The following CEP192 variants were observed in gnomAD, a reference collection of about 807,000 sequenced individuals.
CEP192 encodes centrosomal protein of 192 kDa.
A neutral mutation model predicts 271.8 loss-of-function variants in CEP192; 151 were observed. The ratio of observed to expected loss-of-function variants is 0.56; its 90% CI spans 0.49 to 0.64. CEP192 has a LOEUF of 0.64. Among genes scored for constraint, CEP192 ranks in the 30% least tolerant of loss-of-function variants. The pLI, the probability that CEP192 is intolerant of heterozygous loss-of-function variation, is 0.00. For missense variants in CEP192, 2,910 were observed against 3,020.5 expected (o/e 0.96, Z 0.86); for synonymous variants, 995 against 1,076.5 (o/e 0.92, Z 1.48).
chr18:13,055,939 G>A lies in CEP192; in HGVS notation c.3349G>A (p.Ala1117Thr), dbSNP rs2037071420. The A allele has an allele frequency of 6.2e-7, 1 of 1,614,168 alleles. No homozygotes were observed. The highest frequency in any genetic ancestry group is 1.1e-5 in the South Asian group (1 of 91,076). ...CCAGAATAACTCTGATACAAGAAAA[G>A]CAACTGAAACTACTTCTCTGAGTAG... Reference protein sequence around the residue: ...IIQNNSDTRKATETTSLSSKP... With the variant: ...IIQNNSDTRKTTETTSLSSKP... The change falls in exon 19 of 45, where the codon GCA becomes ACA. Residue 1117 changes from alanine to threonine, a missense_variant. Physicochemically the swap from Ala to Thr is moderately conservative, Grantham distance 58. Transcript: ENST00000506447.
chr18:13,122,453 T>C (rs2040711223), intron 44 of CEP192, among the ~76,000 whole-genome samples: 1 of 152,046 alleles, frequency 6.6e-6, no homozygotes, highest in African/African-American at 2.4e-5. Flanking sequence ...TGGTGGCATA[T>C]GCCTGTAGTC....
chr18:13,082,507 A>T (rs139925538), intron 30 of CEP192, among the ~76,000 whole-genome samples: 1,356 of 123,152 alleles, frequency 0.011, 17 homozygotes, highest in African/African-American at 0.042. Context: ...TTTTGAGCCT[A>T]TGTGTGTCTC....
At chr18:13,040,700 T>G in intron 13 of CEP192, 130 bp from the exon 14 acceptor site, 1 of 626,648 alleles carries the variant, frequency 1.6e-6, no homozygotes, top group South Asian at 2.6e-5. Flanking sequence ...TCTCTAGTAA[T>G]TTGAGGTTAA....
chr18:13,054,028 A>G (rs1002799936), intron 18 of CEP192, among the ~76,000 whole-genome samples: 12 of 152,130 alleles, frequency 7.9e-5, no homozygotes, highest in Admixed American at 3.3e-4. Context: ...GGGTCTTGCT[A>G]TGTTGCCAGA....
intron 33 of CEP192, 81 bp from the exon 34 acceptor site, chr18:13,092,296 A>G (rs2039182329): frequency 2.0e-6 from 2 of 1,002,158 alleles, no homozygotes; most frequent in African/African-American, 1.7e-5. Context: ...TTCTATAGCT[A>G]TAAATATACA....
intron 40 of CEP192, among the ~76,000 whole-genome samples, chr18:13,109,888 C>CA (rs1223275752): frequency 3.9e-5 from 6 of 151,944 alleles, no homozygotes; most frequent in East Asian, 3.9e-4. Context: ...GTTAAAAATT[C>CA]AAAAAAACTT....
chr18:13,035,354 G>A (rs927867370), intron 11 of CEP192, among the ~76,000 whole-genome samples: 27 of 152,174 alleles, frequency 1.8e-4, no homozygotes, highest in Admixed American at 1.2e-3. Flanking sequence ...ACAGTTCCAC[G>A]TGGCTAGGGA....
chr18:13,099,286 G>A (rs1006947739), intron 36 of CEP192, among the ~76,000 whole-genome samples, 190 bp from the exon 37 acceptor site: 16 of 152,082 alleles, frequency 1.1e-4, no homozygotes, highest in Non-Finnish European at 1.6e-4. Context: ...CTTGTAACCC[G>A]TTGAGTCGGG....
chr18:13,000,085 T>TTCTC (rs776024898), intron 2 of CEP192, among the ~76,000 whole-genome samples: 247 of 77,220 alleles, frequency 3.2e-3, no homozygotes, highest in African/African-American at 9.3e-3. Flanking sequence ...ACTCATTGTC[T>TTCTC]TCTCTCTTTT....
rs141293227 is a variant in CEP192, at chr18:13,004,998, C to T, written c.290+3416C>T. Among the ~76,000 whole-genome samples, 225 of 152,050 alleles carry T rather than the reference C, an allele frequency of 1.5e-3. 3 individuals are homozygous for T. The East Asian group carries it at 0.036, about 24-fold the overall frequency. On this transcript the variant is annotated intron_variant, in intron 3 of 44. Coordinates refer to ENST00000506447, the MANE Select transcript of CEP192 (RefSeq NM_032142.4). Reference sequence around the variant, plus strand: ...TGGTGGTACAGATGGGTTGGAGGTGCAGGTGGGGTTAGCATCATATAGTTG... The same window carrying T: ...TGGTGGTACAGATGGGTTGGAGGTGTAGGTGGGGTTAGCATCATATAGTTG...
intron 1 of CEP192, among the ~76,000 whole-genome samples, chr18:12,992,430 G>A (rs146992330): frequency 6.6e-6 from 1 of 152,184 alleles, no homozygotes; most frequent in Non-Finnish European, 1.5e-5. Flanking sequence ...ACTATAGTCA[G>A]TAATCTTTTA....
intron 9 of CEP192, among the ~76,000 whole-genome samples, chr18:13,023,479 T>G (rs2035112397): frequency 6.6e-6 from 1 of 151,072 alleles, no homozygotes; most frequent in Non-Finnish European, 1.5e-5. Context: ...TTTGTCAATT[T>G]TTTTTTTTTT....
intron 39 of CEP192, 25 bp from the exon 40 acceptor site, chr18:13,104,959 A>G: frequency 1.3e-6 from 2 of 1,558,050 alleles, no homozygotes; most frequent in East Asian, 2.2e-5. Flanking sequence ...ATGGTTTTTA[A>G]TTTGTTTAAA....
chr18:13,113,624 T>C lies in CEP192; in HGVS notation c.7086T>C (p.Tyr2362=). The change falls in exon 41 of 45, where the codon TAT becomes TAC. Residue 2362 remains tyrosine, a synonymous_variant. Transcript: ENST00000506447. ...TTTTGCCCAGAGGTAGGGGGGATTA[T>C]GCCCAGTTTTGGGATGTTGAATGTC... ...ITFLPRGRGD[Y]AQFWDVECHP... The C allele has an allele frequency of 1.9e-6, 3 of 1,613,402 alleles. No homozygotes were observed. The highest frequency in any genetic ancestry group is 1.1e-5 in the South Asian group (1 of 90,964).
chr18:13,115,237 T>C (rs1018622648), intron 42 of CEP192, among the ~76,000 whole-genome samples: 1 of 152,146 alleles, frequency 6.6e-6, no homozygotes, highest in Admixed American at 6.5e-5. Flanking sequence ...AGACACAGCC[T>C]CGCCAACCCA....
Position 13,113,432 on chromosome 18 carries a change from A to G in CEP192, c.7048-154A>G, listed in dbSNP as rs2040294555. ...GGTATAGTAACCCGCTAGAAATGAA[A>G]TTGTCCAAATTCTTTCAATTAATGG... On this transcript the variant is annotated intron_variant, in intron 40 of 44. Coordinates refer to ENST00000506447, the MANE Select transcript of CEP192 (RefSeq NM_032142.4). Among the ~76,000 whole-genome samples the G allele has an allele frequency of 3.3e-5, 5 of 152,262 alleles. No homozygotes were observed. In the South Asian group the frequency reaches 1.0e-3, roughly 32 times the overall value.
At chr18:13,022,719 C>T (rs183264717) in intron 9 of CEP192, among the ~76,000 whole-genome samples, 1 of 152,294 alleles carries the variant, frequency 6.6e-6, no homozygotes, top group East Asian at 1.9e-4. Context: ...TATCCAAATT[C>T]AGAACTTGGC....
rs1291709128 is a variant in CEP192, at chr18:13,069,249, C to T, written c.5055+68C>T. 4 of 1,328,600 alleles carry T rather than the reference C, an allele frequency of 3.0e-6. No individual in the cohort carries two copies. In the African/African-American group the frequency reaches 4.3e-5, roughly 14 times the overall value. The allele number at this position is 1,328,600 out of a possible 1,614,324, so 82.3% of individuals were successfully genotyped here. ...GACTGTGAGAGCTCCTTGCTTTCTG[C>T]AGGCTGTTGTGCTCTTCCTGGCCCA... On this transcript the variant is annotated intron_variant, in intron 26 of 44. Coordinates refer to ENST00000506447, the MANE Select transcript of CEP192 (RefSeq NM_032142.4).
intron 15 of CEP192, among the ~76,000 whole-genome samples, chr18:13,047,023 AT>A (rs1008753046): frequency 6.6e-6 from 1 of 151,434 alleles, no homozygotes; most frequent in Non-Finnish European, 1.5e-5. Context: ...GTCTTTTGTT[AT>A]TTTTCTCTTT....
Sources: gnomAD v4.1 joint callset for allele counts (sites outside exome capture counted in the v4.1 genomes callset) on GRCh38, gnomAD v4.1.1 for gene constraint, MANE v1.5 for transcripts, NCBI Gene and HGNC (gene_info 2026-07-23, HGNC 2026-07-21) for gene names.